Variants in PCSK1 observed in about 807,000 individuals in gnomAD.
PCSK1 encodes proprotein convertase subtilisin/kexin type 1, also known as neuroendocrine convertase 1.
Under a neutral mutation model 90.6 loss-of-function variants are expected in PCSK1, and 56 were observed. That is an observed-to-expected ratio of 0.62 (90% CI 0.50 to 0.77). PCSK1 has a LOEUF of 0.77. PCSK1 is among the 30% of genes least tolerant of loss of function. The pLI is 0.00. For missense variants in PCSK1, 801 were observed against 932.6 expected, an observed-to-expected ratio of 0.86 and a Z score of 1.84; for synonymous variants, 348 against 342.4, an observed-to-expected ratio of 1.02 and a Z score of -0.18.
chr5:96,416,874 A>G (rs1201472614), intron 5 of PCSK1, among the ~76,000 whole-genome samples: 3 of 152,184 alleles, frequency 2.0e-5, no homozygotes, highest in Non-Finnish European at 2.9e-5. Flanking sequence ...AAATTCCACC[A>G]CTAAAGCATC....
In PCSK1 at chr5:96,403,464, G is replaced by A. The variant is rs933693188; in HGVS notation, c.1197-3278C>T. 2.0e-5 allele frequency among the ~76,000 whole-genome samples: 3 copies of A among 152,012 alleles called. No homozygotes were observed. The South Asian group carries it at 6.2e-4, about 32-fold the overall frequency. ...GGTGTATTTTTCTAACAGAGTTATT[G>A]TTCATTCGTGTGCTTGTATTTCATA... On this transcript the variant is annotated intron_variant, in intron 9 of 13. Transcript: ENST00000311106.
chr5:96,428,359 T>C (rs957529033), intron 2 of PCSK1, among the ~76,000 whole-genome samples: 3 of 152,154 alleles, frequency 2.0e-5, no homozygotes, highest in Non-Finnish European at 2.9e-5. Context: ...AAAAATTATG[T>C]ACACAGATAT....
In PCSK1 at chr5:96,433,145, A is replaced by T. The variant is rs1761786030; in HGVS notation, c.-103T>A. 2 of 1,083,002 alleles carry T rather than the reference A, an allele frequency of 1.8e-6. No homozygotes were observed. Among genetic ancestry groups the T allele is most frequent in the Admixed American group, 1.7e-5 (1 of 57,618 alleles). 67.1% of individuals were successfully genotyped at this position (1,083,002 alleles called of 1,614,324 possible). A position where few individuals can be genotyped will look rare whatever the true frequency, so the allele number is the denominator to read the frequency against. On this transcript the variant is annotated 5_prime_UTR_variant, in exon 1 of 14. Transcript: ENST00000311106. The stretch of plus-strand genomic sequence containing the variant: ...CCCCCTTCCCACCCTCGGGCTCTAG[A>T]CCACTCCTGGCTCCTGGTTGCTCTG...
chr5:96,395,308 G>C (rs1760093985), intron 12 of PCSK1, among the ~76,000 whole-genome samples: 2 of 152,190 alleles, frequency 1.3e-5, no homozygotes, highest in Admixed American at 1.3e-4. Flanking sequence ...AAAGCTGACT[G>C]TACCTTCTAT....
intron 5 of PCSK1, among the ~76,000 whole-genome samples, chr5:96,421,082 T>G (rs1362308129): frequency 6.6e-6 from 1 of 152,232 alleles, no homozygotes; most frequent in Non-Finnish European, 1.5e-5. Flanking sequence ...GTCTCTCCCA[T>G]GGGCATGGAC....
In PCSK1 at chr5:96,393,065, G is replaced by A; in HGVS notation, c.2198C>T (p.Pro733Leu). 6.2e-7 allele frequency: 1 copy of A among 1,613,978 alleles called. No individual in the cohort carries two copies. Among genetic ancestry groups the A allele is most frequent in the Non-Finnish European group, 8.5e-7 (1 of 1,179,880 alleles). ...DYVDVFYNTK[P>L]YKHRDDRLLQ... is the part of the protein sequence containing the mutation. ...CAGCCGGTCGTCTCTGTGCTTGTAA[G>A]GTTTAGTGTTATAAAAAACATCAAC... The change falls in exon 14 of 14, where the codon CCT (proline) becomes CTT (leucine). Residue 733 changes from proline (P) to leucine (L), a missense_variant. Pro to Leu is a moderately conservative substitution (Grantham distance 98). Transcript: ENST00000311106.
chr5:96,423,243 A>T, intron 4 of PCSK1, 70 bp downstream of exon 4: 1 of 1,473,302 alleles, frequency 6.8e-7, no homozygotes. Context: ...CTTGAAAAGA[A>T]GGAAAGCCCT....
At chr5:96,411,442 G>A (rs962530450) in intron 7 of PCSK1, among the ~76,000 whole-genome samples, 2 of 152,170 alleles carry the variant, frequency 1.3e-5, no homozygotes, top group Admixed American at 6.5e-5. Context: ...AATGGAACTC[G>A]TCAAAGCCGC....
intron 8 of PCSK1, among the ~76,000 whole-genome samples, chr5:96,409,414 C>T (rs1054834116): frequency 6.6e-6 from 1 of 152,130 alleles, no homozygotes; most frequent in Non-Finnish European, 1.5e-5. Context: ...TACCTGTTGA[C>T]GCAAGCAAGC....
At position 96,430,661 on chromosome 5, in the gene PCSK1, A is replaced by G. The variant is rs141001166; in HGVS notation, c.181-1344T>C. ...ATTAAACAAAAAGAGAAATAAGCAG[A>G]ACCAGGAACGTGCTATCAGCCTTCT... On this transcript the variant is annotated intron_variant, in intron 1 of 13. Coordinates refer to ENST00000311106, the MANE Select transcript of PCSK1 (RefSeq NM_000439.5). Among the ~76,000 whole-genome samples the G allele has an allele frequency of 3.6e-3, 554 of 152,352 alleles. 3 individuals are homozygous for G. The highest frequency in any genetic ancestry group is 0.012 in the African/African-American group (519 of 41,584).
chr5:96,432,258 C>G, intron 1 of PCSK1: 1 of 782,828 alleles, frequency 1.3e-6, no homozygotes, highest in South Asian at 1.8e-5. Flanking sequence ...TTTCACCCAC[C>G]ATTTCTCCCC....
At chr5:96,397,583 CT>C in intron 11 of PCSK1, 114 bp from the exon 12 acceptor site, 1 of 983,980 alleles carries the variant, frequency 1.0e-6, no homozygotes, top group Non-Finnish European at 1.6e-6. Context: ...CTAATTTTCT[CT>C]TTTAGTATAA....
intron 9 of PCSK1, 102 bp from the exon 10 acceptor site, chr5:96,400,288 C>G (rs1431452202): frequency 1.3e-6 from 1 of 793,678 alleles, no homozygotes; most frequent in Non-Finnish European, 2.3e-6. Context: ...TTATGAAGTG[C>G]CTTTTGCTAT....
rs563848073 is a variant in PCSK1 at position 96,392,169 on chromosome 5, T to C, written c.*832A>G. 2.8e-5 allele frequency: 4 copies of C among 141,074 alleles called. No individual in the cohort carries two copies. The highest frequency in any genetic ancestry group is 8.0e-5 in the African/African-American group (3 of 37,544). The allele number at this position is 141,074 out of a possible 1,614,324, so 8.7% of individuals were successfully genotyped here. A position where few individuals can be genotyped will look rare whatever the true frequency, so the allele number is the denominator to read the frequency against. On this transcript the variant is annotated 3_prime_UTR_variant, in exon 14 of 14. Coordinates refer to ENST00000311106, the MANE Select transcript of PCSK1 (RefSeq NM_000439.5). ...GACTAGGAATTTGCCAAGTCCCAAG[T>C]GTAAGTTTTTTTTTTTCTGGGAAAG...
intron 1 of PCSK1, among the ~76,000 whole-genome samples, chr5:96,431,674 G>A (rs758193810): frequency 6.6e-6 from 1 of 152,084 alleles, no homozygotes. Context: ...AAGACAATTT[G>A]GTTTATAAAG....
At chr5:96,432,712 C>T (rs1305697766) in intron 1 of PCSK1, 151 bp downstream of exon 1, 3 of 662,790 alleles carry the variant, frequency 4.5e-6, no homozygotes, top group African/African-American at 3.7e-5. Context: ...TCTCTCCAAG[C>T]GCGACAGGGG....
At position 96,393,191 on chromosome 5, in the gene PCSK1, G is replaced by A; in HGVS notation, c.2072C>T (p.Ala691Val). Residue 691 changes from alanine (A) to valine (V), a missense_variant, in exon 14 of 14, where the codon GCA becomes GTA. Coordinates refer to ENST00000311106, the MANE Select transcript of PCSK1 (RefSeq NM_000439.5). ...PKQSPKKSPS[A>V]KLNIPYENFY... ...GTTTTCATAAGGGATGTTGAGCTTT[G>A]CACTTGGGGACTTCTTTGGTGATTG... The A allele has an allele frequency of 6.2e-7, 1 of 1,614,138 alleles. No individual in the cohort carries two copies. Among genetic ancestry groups the A allele is most frequent in the East Asian group, 2.2e-5 (1 of 44,876 alleles).
intron 9 of PCSK1, among the ~76,000 whole-genome samples, chr5:96,406,701 A>G (rs900630859): frequency 4.6e-5 from 7 of 152,248 alleles, no homozygotes; most frequent in African/African-American, 1.4e-4. Context: ...CCTTTCTGTT[A>G]TTACGAACTG....
At chr5:96,413,652 TAGTC>T (rs1760843323) in intron 6 of PCSK1, among the ~76,000 whole-genome samples, 1 of 149,478 alleles carries the variant, frequency 6.7e-6, no homozygotes, top group Non-Finnish European at 1.5e-5. Flanking sequence ...ATACAAAAAT[TAGTC>T]AGGCATGCTG....
Sources: gnomAD v4.1 joint callset for allele counts (sites outside exome capture counted in the v4.1 genomes callset) on GRCh38, gnomAD v4.1.1 for gene constraint, MANE v1.5 for transcripts, NCBI Gene and HGNC (gene_info 2026-07-23, HGNC 2026-07-21) for gene names.